KDM4C: variants seen among roughly 807,000 people sequenced by gnomAD.
KDM4C encodes lysine-specific demethylase 4C.
Under a neutral mutation model 129.3 loss-of-function variants are expected in KDM4C, and 81 were observed. The observed-to-expected ratio is 0.63, with a 90% CI of 0.52 to 0.75. KDM4C has a LOEUF of 0.75. Ranked by LOEUF, KDM4C falls within the 30% of genes least tolerant of loss-of-function variation. The probability of loss-of-function intolerance (pLI) is 0.00; values close to 1 mark genes in which losing one functional copy is unlikely to be tolerated. For synonymous variants in KDM4C, 573 were observed against 456.1 expected (o/e 1.26, Z -3.26); for missense variants, 1,457 against 1,304.0 (o/e 1.12, Z -1.81).
At position 7,130,850 on chromosome 9, in the gene KDM4C, C is replaced by A. The variant is rs116399428; in HGVS notation, c.2781+2614C>A. Among the ~76,000 whole-genome samples, 397 of 152,108 alleles carry A rather than the reference C, an allele frequency of 2.6e-3. 4 individuals are homozygous for A. Among genetic ancestry groups the A allele is most frequent in the African/African-American group, 9.0e-3 (375 of 41,490 alleles). ...CACAGCTCACTGCAGCCTTGTGCTC[C>A]TGGGCTCCGGTGATCCTCTCGCCTC... On this transcript the variant is annotated intron_variant, in intron 19 of 21. Transcript: ENST00000381309.
chr9:7,015,766 C>G, intron 14 of KDM4C, 87 bp from the exon 15 acceptor site: 1 of 865,758 alleles, frequency 1.2e-6, no homozygotes, highest in South Asian at 1.5e-5. Flanking sequence ...GGCTAGTGTC[C>G]CATTTTTATT....
At chr9:7,115,314 A>T (rs2133247330) in intron 18 of KDM4C, among the ~76,000 whole-genome samples, 1 of 152,328 alleles carries the variant, frequency 6.6e-6, no homozygotes, top group African/African-American at 2.4e-5. Context: ...TAAGCTTTTC[A>T]ACAATTTGTA....
chr9:7,101,891 C>A (rs1356031064), intron 17 of KDM4C, among the ~76,000 whole-genome samples: 1 of 152,226 alleles, frequency 6.6e-6, no homozygotes, highest in South Asian at 2.1e-4. Context: ...TTGAAAATGC[C>A]CGGGGCTCCT....
intron 18 of KDM4C, among the ~76,000 whole-genome samples, chr9:7,120,551 GT>G (rs1177824407): frequency 6.6e-6 from 1 of 152,096 alleles, no homozygotes; most frequent in African/African-American, 2.4e-5. Flanking sequence ...GACCTGATTA[GT>G]TTTTTTCTTA....
intron 8 of KDM4C, among the ~76,000 whole-genome samples, chr9:6,920,107 C>A (rs973759248): frequency 6.6e-6 from 1 of 151,912 alleles, no homozygotes; most frequent in Non-Finnish European, 1.5e-5. Context: ...CACTCCAAAG[C>A]CTTGGAGGTT....
At chr9:7,025,153 A>G (rs1825596383) in intron 15 of KDM4C, among the ~76,000 whole-genome samples, 2 of 152,078 alleles carry the variant, frequency 1.3e-5, no homozygotes, top group Admixed American at 6.6e-5. Flanking sequence ...CTTGAAATCT[A>G]TTTTGACTGA....
chr9:7,061,826 T>C (rs1029611498), intron 17 of KDM4C, among the ~76,000 whole-genome samples: 1 of 152,218 alleles, frequency 6.6e-6, no homozygotes, highest in African/African-American at 2.4e-5. Context: ...TTTCATAGAC[T>C]GAAGAAGGAG....
intron 18 of KDM4C, among the ~76,000 whole-genome samples, chr9:7,107,870 TGTC>T (rs142036190): frequency 2.7e-5 from 4 of 150,290 alleles, no homozygotes; most frequent in Admixed American, 2.7e-4. Context: ...TTGTTGTTGT[TGTC>T]TTTTTATTTC....
intron 1 of KDM4C, among the ~76,000 whole-genome samples, chr9:6,770,264 G>A (rs1314515990): frequency 1.3e-5 from 2 of 151,584 alleles, no homozygotes; most frequent in East Asian, 3.9e-4. Context: ...AAAAATGTTG[G>A]GTAACAGACT....
chr9:6,859,056 T>C (rs1840447449), intron 5 of KDM4C, among the ~76,000 whole-genome samples: 2 of 152,222 alleles, frequency 1.3e-5, no homozygotes, highest in South Asian at 4.1e-4. Flanking sequence ...TGTGTTCATT[T>C]TTTATAAGCT....
chr9:7,089,421 A>C (rs1835525969), intron 17 of KDM4C, among the ~76,000 whole-genome samples: 1 of 152,188 alleles, frequency 6.6e-6, no homozygotes, highest in Non-Finnish European at 1.5e-5. Flanking sequence ...GAGGCAGAGC[A>C]AAGGAAATAA....
intron 15 of KDM4C, among the ~76,000 whole-genome samples, chr9:7,044,996 C>T (rs764600434): frequency 2.6e-5 from 4 of 151,896 alleles, no homozygotes; most frequent in Non-Finnish European, 4.4e-5. Flanking sequence ...TCAGGTGAAC[C>T]AAGGACTTGG....
Position 7,049,222 on chromosome 9 carries a change from T to G in KDM4C, c.2424+22T>G, listed in dbSNP as rs200844389. 2.0e-4 allele frequency: 262 copies of G among 1,300,724 alleles called. 2 individuals carry two copies. In the East Asian group the frequency reaches 6.0e-3, roughly 30 times the overall value. The allele number at this position is 1,300,724 out of a possible 1,614,324, so 80.6% of individuals were successfully genotyped here. A position where few individuals can be genotyped will look rare whatever the true frequency, so the allele number is the denominator to read the frequency against. ...ATTGGTGAGTGGCAAAGCTTCTTTT[T>G]TACCTCATAAATTAGTGTTAATTTC... On this transcript the variant is annotated intron_variant, in intron 17 of 21. Coordinates refer to ENST00000381309, the MANE Select transcript of KDM4C (RefSeq NM_015061.6).
At chr9:6,839,291 G>A (rs922179368) in intron 4 of KDM4C, among the ~76,000 whole-genome samples, 1 of 151,706 alleles carries the variant, frequency 6.6e-6, no homozygotes, top group East Asian at 1.9e-4. Context: ...GTGCAGTAGC[G>A]CCATCATTGC....
intron 18 of KDM4C, among the ~76,000 whole-genome samples, chr9:7,112,754 C>T (rs1487859928): frequency 6.6e-6 from 1 of 152,130 alleles, no homozygotes; most frequent in Non-Finnish European, 1.5e-5. Context: ...ATACTGTCTT[C>T]CTTTAGTTTC....
chr9:6,876,865 C>T (rs532234748), intron 5 of KDM4C, among the ~76,000 whole-genome samples: 21 of 151,596 alleles, frequency 1.4e-4, no homozygotes, highest in South Asian at 4.2e-4. Context: ...GTGGTATTAC[C>T]GGAAAAAAAA....
At chr9:6,843,407 A>G (rs1837327996) in intron 4 of KDM4C, among the ~76,000 whole-genome samples, 1 of 152,242 alleles carries the variant, frequency 6.6e-6, no homozygotes, top group Non-Finnish European at 1.5e-5. Context: ...TCCTTTCTTT[A>G]CAACTGTCCT....
rs1817673428 is a variant in KDM4C at position 6,986,231 on chromosome 9, G to A, written c.1355-113G>A. On this transcript the variant is annotated intron_variant, in intron 10 of 21. Coordinates refer to ENST00000381309, the MANE Select transcript of KDM4C (RefSeq NM_015061.6). Reference sequence around the variant, plus strand: ...TGTGTGTGTGCATGTATGTGCATGCGCATGCGTGTGTATGTGTGTGTAAGA... The same window carrying A: ...TGTGTGTGTGCATGTATGTGCATGCACATGCGTGTGTATGTGTGTGTAAGA... The A allele has an allele frequency of 1.9e-5, 13 of 692,186 alleles. No homozygotes were observed. The Middle Eastern group carries it at 1.2e-3, about 64-fold the overall frequency. The allele number at this position is 692,186 out of a possible 1,614,324, so 42.9% of individuals were successfully genotyped here.
chr9:7,072,638 G>C (rs1490779159), intron 17 of KDM4C, among the ~76,000 whole-genome samples: 1 of 152,202 alleles, frequency 6.6e-6, no homozygotes, highest in African/African-American at 2.4e-5. Flanking sequence ...TGACTACAAA[G>C]GGGCACAAAG....
Sources: gnomAD v4.1 joint callset for allele counts (sites outside exome capture counted in the v4.1 genomes callset) on GRCh38, gnomAD v4.1.1 for gene constraint, MANE v1.5 for transcripts, NCBI Gene and HGNC (gene_info 2026-07-23, HGNC 2026-07-21) for gene names.